AP5S1: variants seen among roughly 807,000 people sequenced by gnomAD.
AP5S1 encodes the protein AP-5 complex subunit sigma-1.
Under a neutral mutation model 13.9 loss-of-function variants are expected in AP5S1, and 13 were observed. The observed-to-expected ratio is 0.94, with a 90% CI of 0.61 to 1.49. The LOEUF (loss-of-function observed/expected upper bound fraction) is 1.49, where lower values mean the gene tolerates loss of function less well. AP5S1 is among the 40% of genes most tolerant of loss of function. The pLI, the probability that AP5S1 is intolerant of heterozygous loss-of-function variation, is 0.00. For synonymous variants in AP5S1, 132 were observed against 121.8 expected (o/e 1.08, Z -0.55); for missense variants, 292 against 272.3 (o/e 1.07, Z -0.51).
rs1724087652 is a variant in AP5S1 at position 3,827,735 on chromosome 20, C to G, written c.*3438C>G. On this transcript the variant is annotated 3_prime_UTR_variant, in exon 3 of 3. Coordinates refer to ENST00000615891, the MANE Select transcript of AP5S1 (RefSeq NM_018347.3). Reference sequence around the variant, plus strand: ...GTGCTGCGCACTGTCCAGCATCCCCCCAGGGCTCAATGTTTTCTTTTCTTT... The same window carrying G: ...GTGCTGCGCACTGTCCAGCATCCCCGCAGGGCTCAATGTTTTCTTTTCTTT... 6.6e-6 allele frequency: 1 copy of G among 152,260 alleles called. No individual in the cohort carries two copies. The highest frequency in any genetic ancestry group is 1.5e-5 in the Non-Finnish European group (1 of 68,312). The allele number at this position is 152,260 out of a possible 1,614,324, so 9.4% of individuals were successfully genotyped here. A position where few individuals can be genotyped will look rare whatever the true frequency, so the allele number is the denominator to read the frequency against.
At chr20:3,821,061 C>A (rs1438451262) in intron 1 of AP5S1, among the ~76,000 whole-genome samples, 1 of 152,208 alleles carries the variant, frequency 6.6e-6, no homozygotes, top group Non-Finnish European at 1.5e-5. Flanking sequence ...TTTCAGGTAA[C>A]TCCTGTATGC....
intron 1 of AP5S1, chr20:3,821,886 T>C (rs1177311010): frequency 5.1e-6 from 5 of 971,858 alleles, no homozygotes; most frequent in Non-Finnish European, 6.1e-6. Flanking sequence ...TTCTTTTTTT[T>C]TTTTTTTAGT....
In AP5S1 at chr20:3,821,038, T is replaced by A. The variant is rs540933769; in HGVS notation, c.-17+280T>A. On this transcript the variant is annotated intron_variant, in intron 1 of 2. Coordinates refer to ENST00000615891, the MANE Select transcript of AP5S1 (RefSeq NM_018347.3). ...ATAACCATTACTATTATTTAGTTTC[T>A]ATTTTGAAACAGTTTCAGGTAACTC... Among the ~76,000 whole-genome samples, 3 of 152,378 alleles carry A rather than the reference T, an allele frequency of 2.0e-5. No homozygotes were observed. The East Asian group carries it at 5.8e-4, about 29-fold the overall frequency.
At position 3,822,098 on chromosome 20, in the gene AP5S1, G is replaced by A; in HGVS notation, c.-16-4G>A. The A allele has an allele frequency of 3.7e-6, 6 of 1,610,668 alleles. No individual in the cohort carries two copies. The highest frequency in any genetic ancestry group is 5.1e-6 in the Non-Finnish European group (6 of 1,178,144). ...CCTTACCAATGTCTCTGGCTTCCCT[G>A]TAGCACCCACCCTGGAGCCATGGTC... On this transcript the variant is annotated splice_region_variant and splice_polypyrimidine_tract_variant and intron_variant, in intron 1 of 2. Transcript: ENST00000615891.
chr20:3,820,765 T>C lies in AP5S1; in HGVS notation c.-17+7T>C, dbSNP rs1051195059. On this transcript the variant is annotated splice_region_variant and intron_variant, in intron 1 of 2. Coordinates refer to ENST00000615891, the MANE Select transcript of AP5S1 (RefSeq NM_018347.3). ...AGGTTACGGAGGCAGTGACGTAAGC[T>C]GTCTTGACCGCTACCATTTCTCTAG... The C allele has an allele frequency of 1.3e-5, 2 of 152,250 alleles. No homozygotes were observed. The highest frequency in any genetic ancestry group is 6.5e-5 in the Admixed American group (1 of 15,284). 9.4% of individuals were successfully genotyped at this position (152,250 alleles called of 1,614,324 possible). A position where few individuals can be genotyped will look rare whatever the true frequency, so the allele number is the denominator to read the frequency against.
At position 3,824,247 on chromosome 20, in the gene AP5S1, C is replaced by G; in HGVS notation, c.553C>G (p.Gln185Glu). ...TGGTCAGCTGCTTTTCCTCAACGAC[C>G]AGTTTGTCCAAGGCCTGGAGAAGGA... ...PHGQLLFLND[Q>E]FVQGLEKEFS... Residue 185 changes from glutamine to glutamate, a missense_variant, in exon 3 of 3, where the codon CAG (glutamine) becomes GAG (glutamate). Transcript: ENST00000615891. 1 of 1,614,196 alleles carries G rather than the reference C, an allele frequency of 6.2e-7. No individual in the cohort carries two copies. The highest frequency in any genetic ancestry group is 1.1e-5 in the South Asian group (1 of 91,084).
At chr20:3,823,541 G>A (rs960939417) in intron 2 of AP5S1, 15 of 985,154 alleles carry the variant, frequency 1.5e-5, no homozygotes, top group African/African-American at 3.5e-5. Context: ...TTGAGCCACC[G>A]CGCCTGGCCA....
At chr20:3,823,837 G>A in intron 2 of AP5S1, 34 bp from the exon 3 acceptor site, 1 of 1,574,492 alleles carries the variant, frequency 6.4e-7, no homozygotes. Context: ...GTTGGTGTGT[G>A]AGCCCACCAG....
In AP5S1 at chr20:3,826,857, A is replaced by G. The variant is rs2089627934; in HGVS notation, c.*2560A>G. The G allele has an allele frequency of 6.6e-6, 1 of 152,264 alleles. No individual in the cohort carries two copies. Among genetic ancestry groups the G allele is most frequent in the African/African-American group, 2.4e-5 (1 of 41,458 alleles). The allele number at this position is 152,264 out of a possible 1,614,324, so 9.4% of individuals were successfully genotyped here. On this transcript the variant is annotated 3_prime_UTR_variant, in exon 3 of 3. Coordinates refer to ENST00000615891, the MANE Select transcript of AP5S1 (RefSeq NM_018347.3). ...CAATGCAGGATACAGAATGACCCCA[A>G]AGTTCCAGGAGAGACAGAGCTAAGG...
At chr20:3,823,677 G>T in intron 2 of AP5S1, 194 bp from the exon 3 acceptor site, 2 of 985,428 alleles carry the variant, frequency 2.0e-6, no homozygotes, top group Non-Finnish European at 2.4e-6. Context: ...TGGCCACATG[G>T]AATAAAGTGG....
rs1777916760 is a variant in AP5S1 at position 3,825,161 on chromosome 20, C to T, written c.*864C>T. 6.6e-6 allele frequency: 1 copy of T among 152,270 alleles called. No homozygotes were observed. Among genetic ancestry groups the T allele is most frequent in the African/African-American group, 2.4e-5 (1 of 41,446 alleles). The allele number at this position is 152,270 out of a possible 1,614,324, so 9.4% of individuals were successfully genotyped here. On this transcript the variant is annotated 3_prime_UTR_variant, in exon 3 of 3. Transcript: ENST00000615891. ...CAGCTCCTTTTGTGCCAAGCCCGTTCCCACCAGGCAGGCTCGAGATAAAGT... is the reference window on the plus strand; with the variant it reads ...CAGCTCCTTTTGTGCCAAGCCCGTTTCCACCAGGCAGGCTCGAGATAAAGT...
At chr20:3,821,786 C>T in intron 1 of AP5S1, 3 of 458,362 alleles carry the variant, frequency 6.5e-6, no homozygotes, top group Non-Finnish European at 8.6e-6. Context: ...GACCGCATGA[C>T]CTTGACGCTT....
At position 3,828,189 on chromosome 20, in the gene AP5S1, C is replaced by T. The variant is rs1268762039; in HGVS notation, c.*3892C>T. 8 of 152,158 alleles carry T rather than the reference C, an allele frequency of 5.3e-5. No individual in the cohort carries two copies. The highest frequency in any genetic ancestry group is 1.7e-4 in the African/African-American group (7 of 41,430). 9.4% of individuals were successfully genotyped at this position (152,158 alleles called of 1,614,324 possible). ...TGTTTATTACTGCAATTCAAGTGGC[C>T]GTGACCGTTTTCTTAAATATACTTT... On this transcript the variant is annotated 3_prime_UTR_variant, in exon 3 of 3. Transcript: ENST00000615891.
Position 3,822,276 on chromosome 20 carries a change from G to T in AP5S1, c.159G>T (p.Gln53His), listed in dbSNP as rs140321496. Residue 53 changes from glutamine to histidine, a missense_variant, in exon 2 of 3, where the codon CAG (glutamine) becomes CAT (histidine). By Grantham distance (24) the Gln-to-His change is conservative. Transcript: ENST00000615891. ...GGGACAGGCTTCTCCGGAAGGAACA[G>T]ATTTTAGCTGTGGCCAGGTAACCAC... ...AERDRLLRKE[Q>H]ILAVARQVES... The T allele has an allele frequency of 2.3e-4, 371 of 1,614,076 alleles. No homozygotes were observed. The African/African-American group carries it at 4.5e-3, about 19-fold the overall frequency.
At chr20:3,821,991 T>C (rs903472131) in intron 1 of AP5S1, 111 bp from the exon 2 acceptor site, 17 of 1,430,528 alleles carry the variant, frequency 1.2e-5, no homozygotes, top group Non-Finnish European at 1.5e-5. Flanking sequence ...GTGTTCAGCC[T>C]CACTGGCCTC....
At position 3,824,709 on chromosome 20, in the gene AP5S1, G is replaced by A; in HGVS notation, c.*412G>A. The A allele has an allele frequency of 5.5e-6, 1 of 180,202 alleles. No individual in the cohort carries two copies. 11.2% of individuals were successfully genotyped at this position (180,202 alleles called of 1,614,324 possible). ...GCACTTTGCGGGGCTGAGGTGGTTG[G>A]ACCACCTCAGGTCGGGAGTTCAAGA... On this transcript the variant is annotated 3_prime_UTR_variant, in exon 3 of 3. Coordinates refer to ENST00000615891, the MANE Select transcript of AP5S1 (RefSeq NM_018347.3).
chr20:3,822,465 G>A (rs774756231), intron 2 of AP5S1, among the ~76,000 whole-genome samples, 172 bp downstream of exon 2: 1 of 152,164 alleles, frequency 6.6e-6, no homozygotes, highest in Non-Finnish European at 1.5e-5. Flanking sequence ...TACGTGAAAA[G>A]GGTTAAATAA....
In AP5S1 at chr20:3,820,596, C is replaced by T. The variant is rs780463074; in HGVS notation, c.-179C>T. ...CGGAGGGGAGCGCTTGGTGGCAGTC[C>T]GCGGGCCCGGACGGAAGGCTGAGGC... is the stretch of plus-strand genomic sequence containing the variant. On this transcript the variant is annotated 5_prime_UTR_variant, in exon 1 of 3. Coordinates refer to ENST00000615891, the MANE Select transcript of AP5S1 (RefSeq NM_018347.3). The T allele has an allele frequency of 5.3e-5, 8 of 152,164 alleles. No homozygotes were observed. Among genetic ancestry groups the T allele is most frequent in the Non-Finnish European group, 1.0e-4 (7 of 68,024 alleles). The allele number at this position is 152,164 out of a possible 1,614,324, so 9.4% of individuals were successfully genotyped here.
rs2146735044 is a variant in AP5S1 at position 3,826,356 on chromosome 20, ACAC to A, written c.*2061_*2063del. On this transcript the variant is annotated 3_prime_UTR_variant, in exon 3 of 3. Transcript: ENST00000615891. ...AATGTCCCACAGGCCTCTAGTAGGG[ACAC>A]CCCTTCCCTATACATTCTGTTCTCC... 1 of 152,234 alleles carries A rather than the reference ACAC, an allele frequency of 6.6e-6. No individual in the cohort carries two copies. Among genetic ancestry groups the A allele is most frequent in the East Asian group, 1.9e-4 (1 of 5,176 alleles). The allele number at this position is 152,234 out of a possible 1,614,324, so 9.4% of individuals were successfully genotyped here.
Sources: allele counts gnomAD v4.1 joint callset (sites outside exome capture counted in the v4.1 genomes callset), GRCh38; gene constraint gnomAD v4.1.1; transcripts MANE v1.5; gene names NCBI Gene and HGNC (gene_info 2026-07-23, HGNC 2026-07-21).